Variants in TMEM51 observed in about 807,000 individuals in gnomAD.
TMEM51 encodes the protein transmembrane protein 51.
Under a neutral mutation model 13.6 loss-of-function variants are expected in TMEM51, and 8 were observed. That is an observed-to-expected ratio of 0.59 (90% CI 0.35 to 1.07). The LOEUF is 1.07. Among genes scored for constraint, TMEM51 ranks in the 50% least tolerant of loss-of-function variants. TMEM51 has a pLI of 0.02. For synonymous variants in TMEM51, 147 were observed against 144.4 expected (o/e 1.02, Z -0.13); for missense variants, 279 against 330.7 (o/e 0.84, Z 1.21).
intron 1 of TMEM51, among the ~76,000 whole-genome samples, chr1:15,165,247 T>C (rs1304714094): frequency 1.3e-5 from 2 of 151,884 alleles, no homozygotes; most frequent in African/African-American, 2.4e-5. Context: ...GCCCAGGAGG[T>C]AGAGGCTACA....
At chr1:15,176,672 C>G (rs543834974) in intron 1 of TMEM51, among the ~76,000 whole-genome samples, 50 of 152,300 alleles carry the variant, frequency 3.3e-4, no homozygotes, top group African/African-American at 1.2e-3. Context: ...ATCATTGGTG[C>G]CTGGTACAGG....
intron 1 of TMEM51, among the ~76,000 whole-genome samples, chr1:15,164,790 CT>C (rs55802835): frequency 8.9e-4 from 112 of 126,406 alleles, no homozygotes; most frequent in South Asian, 1.8e-3. Context: ...GGGAGCTTTG[CT>C]TTTTTTTTTT....
At chr1:15,167,326 C>CAAAAAAAAAAAAAAAAAAAAA (rs555274126) in intron 1 of TMEM51, among the ~76,000 whole-genome samples, 1 of 69,446 alleles carries the variant, frequency 1.4e-5, no homozygotes, top group South Asian at 6.3e-4. Context: ...GACTCCATCT[C>CAAAAAAAAAAAAAAAAAAAAA]AAAAAAAAAA....
intron 1 of TMEM51, chr1:15,192,154 C>T (rs146973711): frequency 7.0e-6 from 3 of 431,218 alleles, no homozygotes; most frequent in East Asian, 1.2e-4. Context: ...ATTCATAGAC[C>T]GTGCCCTCTT....
At chr1:15,152,785 G>C (rs1391525539), upstream of TMEM51, 1 of 152,074 alleles carries the variant, frequency 6.6e-6, no homozygotes. Context: ...AGAGCCGCGG[G>C]TGAGAGGCTT....
At position 15,161,933 on chromosome 1, in the gene TMEM51, AAGAG is replaced by A. The variant is rs1642794955; in HGVS notation, c.-267+7983_-267+7986del. On this transcript the variant is annotated intron_variant, in intron 1 of 3. Transcript: ENST00000376008. The surrounding 1 kb of genome is among the most constrained non-coding windows in gnomAD (Gnocchi z 4.0). ...ACAGAGCAAGACTCCATCTCAAAAAAAGAGAGAAAGAGGTTTATTTAGCCCATGG... is the reference window on the plus strand; with the variant it reads ...ACAGAGCAAGACTCCATCTCAAAAAAAGAAAGAGGTTTATTTAGCCCATGG... 6.6e-6 allele frequency among the ~76,000 whole-genome samples: 1 copy of A among 152,006 alleles called. No individual in the cohort carries two copies. The highest frequency in any genetic ancestry group is 1.5e-5 in the Non-Finnish European group (1 of 68,040).
At chr1:15,208,725 T>C (rs1644291155) in intron 1 of TMEM51, among the ~76,000 whole-genome samples, 1 of 151,790 alleles carries the variant, frequency 6.6e-6, no homozygotes, top group South Asian at 2.1e-4. Flanking sequence ...GGCCCTGTGG[T>C]AGGAAGTAGT....
chr1:15,201,572 G>A (rs964342183), intron 1 of TMEM51, among the ~76,000 whole-genome samples: 1 of 152,178 alleles, frequency 6.6e-6, no homozygotes, highest in Non-Finnish European at 1.5e-5. Flanking sequence ...AAAGAATCAA[G>A]TGTGACAAGT....
At chr1:15,214,538 T>C (rs1463792895) in intron 2 of TMEM51, among the ~76,000 whole-genome samples, 1 of 152,222 alleles carries the variant, frequency 6.6e-6, no homozygotes, top group African/African-American at 2.4e-5. Context: ...GGACCATTCA[T>C]CCCATCGCTC....
chr1:15,160,619 G>A (rs77187010), intron 1 of TMEM51, among the ~76,000 whole-genome samples: 1,789 of 152,082 alleles, frequency 0.012, 23 homozygotes, highest in Middle Eastern at 0.027. Context: ...ACTTTCTTAA[G>A]TTACCATAAG....
chr1:15,215,415 G>A lies in TMEM51; in HGVS notation c.328G>A (p.Ala110Thr), dbSNP rs747448222. 1.4e-5 allele frequency: 23 copies of A among 1,603,190 alleles called. No homozygotes were observed. Among genetic ancestry groups the A allele is most frequent in the Non-Finnish European group, 1.8e-5 (21 of 1,176,430 alleles). Reference sequence around the variant, plus strand: ...GCACCCGACAGGCGCTGGGCCTCACGCCCAGGAGGAAGACAGGTGAGGCCT... The same window carrying A: ...GCACCCGACAGGCGCTGGGCCTCACACCCAGGAGGAAGACAGGTGAGGCCT... Reference protein sequence around the residue: ...VQHPTGAGPHAQEEDSQEEEE... With the variant: ...VQHPTGAGPHTQEEDSQEEEE... The change falls in exon 3 of 4, where the codon GCC (alanine) becomes ACC (threonine). Residue 110 changes from alanine (A) to threonine (T), a missense_variant. By Grantham distance (58) the Ala-to-Thr change is moderately conservative (BLOSUM62 0). Coordinates refer to ENST00000376008, the MANE Select transcript of TMEM51 (RefSeq NM_001136218.2).
At chr1:15,185,816 G>T (rs1340823994) in intron 1 of TMEM51, among the ~76,000 whole-genome samples, 1 of 152,228 alleles carries the variant, frequency 6.6e-6, no homozygotes, top group Non-Finnish European at 1.5e-5. Context: ...CCACAGCTGT[G>T]CAGAGGTCAG....
In TMEM51 at chr1:15,211,828, C is replaced by G. The variant is rs925545127; in HGVS notation, c.-194+1266C>G. Among the ~76,000 whole-genome samples the G allele has an allele frequency of 1.0e-3, 61 of 59,898 alleles. 1 individual carries two copies. Among genetic ancestry groups the G allele is most frequent in the East Asian group, 8.3e-3 (15 of 1,812 alleles). 39.3% of individuals were successfully genotyped at this position (59,898 alleles called of 152,430 possible). On this transcript the variant is annotated intron_variant, in intron 2 of 3. Coordinates refer to ENST00000376008, the MANE Select transcript of TMEM51 (RefSeq NM_001136218.2). ...GTACAAGTCTGAAAGGTGACCCCCC[C>G]CCCCCCCCCGGGATTTTTACATACG... is the stretch of plus-strand genomic sequence containing the variant.
intron 1 of TMEM51, among the ~76,000 whole-genome samples, chr1:15,163,151 G>T (rs142291013): frequency 6.6e-6 from 1 of 151,942 alleles, no homozygotes; most frequent in Non-Finnish European, 1.5e-5. Context: ...GGGGGGAAAC[G>T]GTGCCTAAGA....
intron 3 of TMEM51, among the ~76,000 whole-genome samples, chr1:15,216,471 C>A (rs1436053033): frequency 6.6e-6 from 1 of 151,826 alleles, no homozygotes; most frequent in East Asian, 1.9e-4. Flanking sequence ...TTTTGCCTAT[C>A]ATATTGATCA....
chr1:15,160,866 C>T (rs532651225), intron 1 of TMEM51, among the ~76,000 whole-genome samples: 62 of 145,414 alleles, frequency 4.3e-4, no homozygotes, highest in Non-Finnish European at 7.9e-4. Context: ...CCGCCCCCCA[C>T]CCCGATGGAG....
At chr1:15,170,645 G>A (rs1643229049) in intron 1 of TMEM51, among the ~76,000 whole-genome samples, 1 of 151,982 alleles carries the variant, frequency 6.6e-6, no homozygotes, top group African/African-American at 2.4e-5. Flanking sequence ...ACAATTCTGG[G>A]ACATTAAGCA....
chr1:15,196,940 A>G (rs140397540), intron 1 of TMEM51, among the ~76,000 whole-genome samples: 36 of 152,284 alleles, frequency 2.4e-4, no homozygotes, highest in East Asian at 2.3e-3. Context: ...AACTCAGTGT[A>G]ATGAATGAGC....
At chr1:15,192,455 C>CCT in intron 1 of TMEM51, 7 of 165,756 alleles carry the variant, frequency 4.2e-5, no homozygotes, top group Admixed American at 1.9e-4. Context: ...TCTTTCTTTT[C>CCT]TTTTCCTTTT....
Sources: gnomAD v4.1 joint callset for allele counts (sites outside exome capture counted in the v4.1 genomes callset) on GRCh38, gnomAD v4.1.1 for gene constraint, Gnocchi (gnomAD v3.1) non-coding constraint, MANE v1.5 for transcripts, NCBI Gene and HGNC (gene_info 2026-07-23, HGNC 2026-07-21) for gene names.